Variants in PRMT8 observed in about 807,000 individuals in gnomAD.
PRMT8 encodes the protein protein arginine methyltransferase 8, also known as protein arginine N-methyltransferase 8.
PRMT8 carries 7 observed loss-of-function variants against 47.1 expected under a neutral mutation model. The ratio of observed to expected loss-of-function variants is 0.15; its 90% CI spans 0.08 to 0.28. The LOEUF (loss-of-function observed/expected upper bound fraction) is 0.28. Among genes scored for constraint, PRMT8 ranks in the 10% least tolerant of loss-of-function variants. The probability of loss-of-function intolerance (pLI) is 1.00; values close to 1 mark genes in which losing one functional copy is unlikely to be tolerated. For synonymous variants in PRMT8, 188 were observed against 186.5 expected (o/e 1.01, Z -0.07); for missense variants, 237 against 505.4 (o/e 0.47, Z 5.09).
chr12:3,486,688 T>C (rs1437212291), upstream of PRMT8, among the ~76,000 whole-genome samples: 2 of 152,188 alleles, frequency 1.3e-5, no homozygotes, highest in Non-Finnish European at 2.9e-5. Context: ...TTTTGGGTCT[T>C]TCTCATCCTT....
At chr12:3,465,122 C>CAA (rs1386915523) in intron 1 of PRMT8, among the ~76,000 whole-genome samples, 5 of 44,394 alleles carry the variant, frequency 1.1e-4, no homozygotes, top group African/African-American at 4.1e-4. Flanking sequence ...AACTCTGTCT[C>CAA]AAAAAAAATA....
chr12:3,530,795 C>T (rs906581732), intron 1 of PRMT8, among the ~76,000 whole-genome samples: 6 of 152,156 alleles, frequency 3.9e-5, no homozygotes, highest in African/African-American at 1.2e-4. Context: ...AGTCATACGG[C>T]GAGAGCGGGA....
At chr12:3,582,153 C>G (rs1434137281) in intron 7 of PRMT8, among the ~76,000 whole-genome samples, 1 of 152,160 alleles carries the variant, frequency 6.6e-6, no homozygotes, top group Non-Finnish European at 1.5e-5. Context: ...TGTCAGGATG[C>G]CTCTTGGGCC....
At chr12:3,477,672 C>A (rs868206262) in intron 1 of PRMT8, among the ~76,000 whole-genome samples, 3 of 152,310 alleles carry the variant, frequency 2.0e-5, no homozygotes, top group Middle Eastern at 6.8e-3. Context: ...ATCTCTCAAC[C>A]TTTTCCGATT....
Position 3,552,161 on chromosome 12 carries a change from A to C in PRMT8, c.418-1490A>C, listed in dbSNP as rs1282214675. On this transcript the variant is annotated intron_variant, in intron 3 of 9. Transcript: ENST00000382622. The surrounding 1 kb of genome is among the most constrained non-coding windows in gnomAD (Gnocchi z 4.5). The stretch of plus-strand genomic sequence containing the variant: ...AGAATCGCTTGAACCCGGGAGGCGG[A>C]GGTTGCAGTGAGTCCAGATCGCGCC... The C allele has an allele frequency of 6.6e-6, 1 of 152,480 alleles. No individual in the cohort carries two copies. Among genetic ancestry groups the C allele is most frequent in the East Asian group, 1.9e-4 (1 of 5,196 alleles). 9.4% of individuals were successfully genotyped at this position (152,480 alleles called of 1,614,324 possible). A position where few individuals can be genotyped will look rare whatever the true frequency, so the allele number is the denominator to read the frequency against.
intron 1 of PRMT8, among the ~76,000 whole-genome samples, chr12:3,468,143 G>A (rs1865122113): frequency 6.6e-6 from 1 of 152,220 alleles, no homozygotes; most frequent in Admixed American, 6.5e-5. Context: ...ATAGATGTGG[G>A]CTTGTGGCTG....
chr12:3,584,521 T>C (rs1867130820), intron 8 of PRMT8, among the ~76,000 whole-genome samples: 1 of 152,202 alleles, frequency 6.6e-6, no homozygotes, highest in Non-Finnish European at 1.5e-5. Context: ...ATCTCGTGCA[T>C]GTGCCTGGCA....
At chr12:3,517,591 CCTCCGGTAAGCGGGG>C (rs1388820993) in intron 1 of PRMT8, among the ~76,000 whole-genome samples, 1 of 152,136 alleles carries the variant, frequency 6.6e-6, no homozygotes, top group African/African-American at 2.4e-5. Flanking sequence ...GTGGAAGAAA[CCTCCGGTAAGCGGGG>C]CTGAGTACAC....
intron 1 of PRMT8, among the ~76,000 whole-genome samples, chr12:3,422,873 G>A (rs541153931): frequency 6.6e-6 from 1 of 152,328 alleles, no homozygotes; most frequent in Admixed American, 6.5e-5. Context: ...TCACTTATTA[G>A]TGGGAGTTTT....
intron 1 of PRMT8, among the ~76,000 whole-genome samples, chr12:3,485,943 TC>T (rs1451875973): frequency 3.3e-5 from 5 of 152,208 alleles, no homozygotes; most frequent in Admixed American, 1.3e-4. Flanking sequence ...GTGGACTCAA[TC>T]ACAGCTTTGT....
intron 6 of PRMT8, among the ~76,000 whole-genome samples, chr12:3,571,736 A>C (rs1038256392): frequency 3.3e-5 from 5 of 152,236 alleles, no homozygotes. Context: ...CAGACACTTA[A>C]AATGTATTTA....
intron 1 of PRMT8, among the ~76,000 whole-genome samples, chr12:3,385,263 G>C (rs1349394643): frequency 6.6e-6 from 1 of 152,124 alleles, no homozygotes; most frequent in African/African-American, 2.4e-5. Context: ...TGAGGCCTAC[G>C]AAGATTAAGG....
chr12:3,590,432 A>T (rs1421238462), intron 8 of PRMT8, among the ~76,000 whole-genome samples: 1 of 152,218 alleles, frequency 6.6e-6, no homozygotes, highest in Non-Finnish European at 1.5e-5. Context: ...GGTGGACCTC[A>T]GGTGGCTCAT....
intron 1 of PRMT8, among the ~76,000 whole-genome samples, chr12:3,412,595 C>T (rs529120264): frequency 1.3e-5 from 2 of 152,222 alleles, no homozygotes; most frequent in South Asian, 4.2e-4. Flanking sequence ...TATTCTATAA[C>T]CTTTTTCTAT....
chr12:3,507,161 A>C (rs1328938442), intron 1 of PRMT8, among the ~76,000 whole-genome samples: 1 of 122,556 alleles, frequency 8.2e-6, no homozygotes, highest in East Asian at 2.3e-4. Flanking sequence ...TCGCTCTTTC[A>C]CCCAGGCTGG....
chr12:3,485,907 T>C (rs188357032), intron 1 of PRMT8, among the ~76,000 whole-genome samples: 57 of 152,292 alleles, frequency 3.7e-4, no homozygotes, highest in Admixed American at 9.1e-4. Flanking sequence ...GGGATCAGAA[T>C]GGTTACATGG....
chr12:3,489,708 G>C (rs895261868), upstream of PRMT8, among the ~76,000 whole-genome samples: 1 of 152,042 alleles, frequency 6.6e-6, no homozygotes, highest in African/African-American at 2.4e-5. Flanking sequence ...ACTGGGTGTT[G>C]TCAAGGATTC....
Position 3,593,041 on chromosome 12 carries a change from G to A in PRMT8, c.1102-58G>A. 7.3e-7 allele frequency: 1 copy of A among 1,364,094 alleles called. No individual in the cohort carries two copies. The highest frequency in any genetic ancestry group is 1.0e-6 in the Non-Finnish European group (1 of 956,110). The allele number at this position is 1,364,094 out of a possible 1,614,324, so 84.5% of individuals were successfully genotyped here. On this transcript the variant is annotated intron_variant, in intron 9 of 9. Coordinates refer to ENST00000382622, the MANE Select transcript of PRMT8 (RefSeq NM_019854.5). The surrounding 1 kb of genome is among the most constrained non-coding windows in gnomAD (Gnocchi z 4.8). ...AGGAGCAGGTGGTGCCAGAGAGTGG[G>A]GCTGTGGCTTCATACCCAGACGGCC...
chr12:3,530,253 A>T (rs1313994098), intron 1 of PRMT8, among the ~76,000 whole-genome samples: 1 of 152,196 alleles, frequency 6.6e-6, no homozygotes, highest in Non-Finnish European at 1.5e-5. Flanking sequence ...CCTTCACTCG[A>T]CTATAATAAT....
Sources: gnomAD v4.1 joint callset for allele counts (sites outside exome capture counted in the v4.1 genomes callset) on GRCh38, gnomAD v4.1.1 for gene constraint, Gnocchi (gnomAD v3.1) non-coding constraint, MANE v1.5 for transcripts, NCBI Gene and HGNC (gene_info 2026-07-23, HGNC 2026-07-21) for gene names.